Variants in WAC observed in about 807,000 individuals in gnomAD.
The protein encoded by WAC is WW domain-containing adapter protein with coiled-coil.
Under a neutral mutation model 79.6 loss-of-function variants are expected in WAC, and 11 were observed. The observed-to-expected ratio is 0.14, with a 90% CI of 0.09 to 0.23. The LOEUF is 0.23. Ranked by LOEUF, WAC falls within the 10% of genes least tolerant of loss-of-function variation. The pLI is 1.00. For synonymous variants in WAC, 304 were observed against 276.9 expected, an observed-to-expected ratio of 1.10 and a Z score of -0.97; for missense variants, 728 against 773.5, an observed-to-expected ratio of 0.94 and a Z score of 0.70.
intron 4 of WAC, among the ~76,000 whole-genome samples, chr10:28,587,376 T>G (rs560136570): frequency 3.3e-5 from 5 of 152,356 alleles, no homozygotes; most frequent in African/African-American, 7.2e-5. Flanking sequence ...GTTGAGCCTC[T>G]GGGTAAACTT....
intron 4 of WAC, among the ~76,000 whole-genome samples, chr10:28,587,239 AG>A (rs1465642033): frequency 6.6e-6 from 1 of 152,220 alleles, no homozygotes; most frequent in African/African-American, 2.4e-5. Flanking sequence ...CTTTGTGAAA[AG>A]TAATTTTTAA....
chr10:28,577,906 C>T (rs533664228), intron 3 of WAC, among the ~76,000 whole-genome samples: 1 of 152,264 alleles, frequency 6.6e-6, no homozygotes, highest in African/African-American at 2.4e-5. Flanking sequence ...TGCCTTCAGT[C>T]CCAGCACTTT....
chr10:28,534,121 G>C, intron 2 of WAC, 87 bp downstream of exon 2: 4 of 1,312,754 alleles, frequency 3.0e-6, no homozygotes, highest in Non-Finnish European at 4.1e-6. Context: ...CTCAGAAGTC[G>C]ATACAGGCCC....
At chr10:28,541,298 GA>G (rs1837006314) in intron 3 of WAC, among the ~76,000 whole-genome samples, 1 of 151,842 alleles carries the variant, frequency 6.6e-6, no homozygotes, top group Non-Finnish European at 1.5e-5. Flanking sequence ...TATGATGCTG[GA>G]AAGAGTGAAG....
chr10:28,570,156 C>CT (rs1481464967), intron 3 of WAC, among the ~76,000 whole-genome samples: 1 of 152,114 alleles, frequency 6.6e-6, no homozygotes, highest in Non-Finnish European at 1.5e-5. Context: ...AATACGCTAC[C>CT]TTTTTTCTCT....
In WAC at chr10:28,622,038, T is replaced by A. The variant is rs545070994; in HGVS notation, c.*2432T>A. On this transcript the variant is annotated 3_prime_UTR_variant, in exon 14 of 14. Transcript: ENST00000354911. Reference sequence around the variant, plus strand: ...GATTACAGGCATGCACCACCACGCCTGGCTAATTTTGTATTTTTAGTAGAG... The same window carrying A: ...GATTACAGGCATGCACCACCACGCCAGGCTAATTTTGTATTTTTAGTAGAG... 2.0e-5 allele frequency: 3 copies of A among 152,262 alleles called. No homozygotes were observed. Among genetic ancestry groups the A allele is most frequent in the East Asian group, 1.9e-4 (1 of 5,160 alleles). 9.4% of individuals were successfully genotyped at this position (152,262 alleles called of 1,614,324 possible).
At chr10:28,543,607 G>C (rs986381044) in intron 3 of WAC, among the ~76,000 whole-genome samples, 58 of 152,154 alleles carry the variant, frequency 3.8e-4, no homozygotes, top group Non-Finnish European at 1.6e-4. Context: ...AAAGTATTTT[G>C]TATGCTTGAC....
At chr10:28,592,269 C>G (rs1276582391) in intron 6 of WAC, among the ~76,000 whole-genome samples, 1 of 152,116 alleles carries the variant, frequency 6.6e-6, no homozygotes, top group Non-Finnish European at 1.5e-5. Flanking sequence ...TAGACATAAA[C>G]AAGTTGCACC....
intron 3 of WAC, among the ~76,000 whole-genome samples, chr10:28,580,973 CA>C (rs1839501814): frequency 1.3e-5 from 2 of 152,064 alleles, no homozygotes; most frequent in Non-Finnish European, 2.9e-5. Flanking sequence ...TGAAGGAATC[CA>C]GGTGTAAGCT....
At chr10:28,574,752 T>C (rs746009626) in intron 3 of WAC, among the ~76,000 whole-genome samples, 2 of 152,162 alleles carry the variant, frequency 1.3e-5, no homozygotes, top group East Asian at 3.9e-4. Flanking sequence ...CCAAGAATAA[T>C]GCATTATGAA....
At chr10:28,539,994 G>C (rs1483347304) in intron 3 of WAC, among the ~76,000 whole-genome samples, 3 of 152,110 alleles carry the variant, frequency 2.0e-5, no homozygotes, top group Non-Finnish European at 4.4e-5. Context: ...TGGTGATAAT[G>C]TCTTTTTTTA....
rs1841692831 is a variant in WAC at position 28,621,536 on chromosome 10, TAAG to T, written c.*1933_*1935del. 6.6e-6 allele frequency: 1 copy of T among 152,178 alleles called. No individual in the cohort carries two copies. The highest frequency in any genetic ancestry group is 6.5e-5 in the Admixed American group (1 of 15,280). 9.4% of individuals were successfully genotyped at this position (152,178 alleles called of 1,614,324 possible). A position where few individuals can be genotyped will look rare whatever the true frequency, so the allele number is the denominator to read the frequency against. On this transcript the variant is annotated 3_prime_UTR_variant, in exon 14 of 14. Coordinates refer to ENST00000354911, the MANE Select transcript of WAC (RefSeq NM_016628.5). ...GTAATTTAAGGATACTTTTTAAATG[TAAG>T]AAAAGACATGTCATTAATTTATTGT... is the stretch of plus-strand genomic sequence containing the variant.
At chr10:28,538,739 A>T (rs1295165886) in intron 3 of WAC, among the ~76,000 whole-genome samples, 1 of 151,460 alleles carries the variant, frequency 6.6e-6, no homozygotes, top group Admixed American at 6.6e-5. Context: ...AAAAAAAAAA[A>T]AATTTTTTTT....
At position 28,535,738 on chromosome 10, in the gene WAC, A is replaced by T. The variant is rs1444816456; in HGVS notation, c.255A>T (p.Arg85Ser). ...AGGCCAAAAATGTGCATACTCACAG[A>T]GTTAGAGAGAGGGATGGTGGTGAGT... The part of the protein sequence containing the change: ...HSKAKNVHTH[R>S]VRERDGGTSY... The change falls in exon 3 of 14, where the codon AGA becomes AGT. Residue 85 changes from arginine to serine, a missense_variant. By Grantham distance (110) the Arg-to-Ser change is moderately radical. This residue lies in a region of WAC where 648 missense variants were observed against 661.5 expected (regional missense o/e 0.98). Coordinates refer to ENST00000354911, the MANE Select transcript of WAC (RefSeq NM_016628.5). The T allele has an allele frequency of 1.2e-6, 2 of 1,611,634 alleles. No individual in the cohort carries two copies. Among genetic ancestry groups the T allele is most frequent in the Non-Finnish European group, 1.7e-6 (2 of 1,178,558 alleles).
At position 28,581,596 on chromosome 10, in the gene WAC, C is replaced by G. The variant is rs554535667; in HGVS notation, c.275-1803C>G. 8.2e-4 allele frequency among the ~76,000 whole-genome samples: 124 copies of G among 152,140 alleles called. 1 individual carries two copies. The highest frequency in any genetic ancestry group is 2.9e-3 in the African/African-American group (122 of 41,496). On this transcript the variant is annotated intron_variant, in intron 3 of 13. Transcript: ENST00000354911. ...TTGAGACAGAGTCTTGCTCTGTTGCCCAGGCTGGAGTGCAGTGGCACAATT... is the reference window on the plus strand; with the variant it reads ...TTGAGACAGAGTCTTGCTCTGTTGCGCAGGCTGGAGTGCAGTGGCACAATT...
chr10:28,569,664 C>CT (rs528018362), intron 3 of WAC, among the ~76,000 whole-genome samples: 38 of 152,182 alleles, frequency 2.5e-4, no homozygotes, highest in African/African-American at 8.7e-4. Context: ...AGAGCTGTGG[C>CT]TGGGCAAGGA....
intron 3 of WAC, among the ~76,000 whole-genome samples, chr10:28,550,992 T>A (rs976192265): frequency 3.3e-5 from 5 of 152,342 alleles, no homozygotes; most frequent in African/African-American, 1.2e-4. Flanking sequence ...TCACTAATTT[T>A]ATTGTTCCTT....
intron 3 of WAC, among the ~76,000 whole-genome samples, chr10:28,539,539 C>T (rs1212412450): frequency 6.7e-6 from 1 of 149,518 alleles, no homozygotes; most frequent in Non-Finnish European, 1.5e-5. Flanking sequence ...AAAGCAAAAA[C>T]CTTAAGGTAC....
rs1836404215 is a variant in WAC, at chr10:28,533,609, A to G, written c.30A>G (p.Arg10=). MVMYARKQQ[R]LSDGCHDRRG... ...TAATGTATGCGAGGAAACAGCAGAG[A>G]CTCAGTGATGGGTAAATTGTCTTTT... The change falls in exon 1 of 14, where the codon AGA becomes AGG. Residue 10 remains arginine, a synonymous_variant. Transcript: ENST00000354911. 1 of 1,595,900 alleles carries G rather than the reference A, an allele frequency of 6.3e-7. No individual in the cohort carries two copies. The highest frequency in any genetic ancestry group is 8.5e-7 in the Non-Finnish European group (1 of 1,172,060).
Sources: gnomAD v4.1 joint callset for allele counts (sites outside exome capture counted in the v4.1 genomes callset) on GRCh38, gnomAD v4.1.1 for gene constraint, gnomAD v4.1.1 regional missense constraint, MANE v1.5 for transcripts, NCBI Gene and HGNC (gene_info 2026-07-23, HGNC 2026-07-21) for gene names.